The following GANC variants were observed in gnomAD, a reference collection of about 807,000 sequenced individuals.
GANC encodes the protein glucosidase alpha, neutral C, also known as neutral alpha-glucosidase C.
In GANC, 117 loss-of-function variants were observed where a neutral mutation model predicts 124.2. The observed-to-expected ratio is 0.94, with a 90% CI of 0.81 to 1.10. The LOEUF (loss-of-function observed/expected upper bound fraction) is 1.10. Among genes scored for constraint, GANC ranks in the 50% least tolerant of loss-of-function variants. GANC has a pLI of 0.00. For synonymous variants in GANC, 377 were observed against 376.8 expected (o/e 1.00, Z -0.01); for missense variants, 1,140 against 1,095.0 (o/e 1.04, Z -0.58).
chr15:42,351,298 CT>C (rs1566963374), intron 22 of GANC, 30 bp from the exon 23 acceptor site: 1 of 1,543,694 alleles, frequency 6.5e-7, no homozygotes, highest in Middle Eastern at 1.7e-4. Context: ...CCCCATCCCT[CT>C]CCTTTTAATA....
intron 3 of GANC, among the ~76,000 whole-genome samples, chr15:42,278,794 G>C (rs1373400121): frequency 1.3e-5 from 2 of 152,162 alleles, no homozygotes; most frequent in African/African-American, 2.4e-5. Context: ...AGGAGTTCGA[G>C]ACCAGCCTGG....
At chr15:42,350,602 GAGTGC>G (rs1210746196) in intron 22 of GANC, among the ~76,000 whole-genome samples, 1 of 147,694 alleles carries the variant, frequency 6.8e-6, no homozygotes, top group African/African-American at 2.5e-5. Flanking sequence ...GCCCAGGCTG[GAGTGC>G]AGTGGCATGA....
chr15:42,305,240 C>T (rs370147829), intron 6 of GANC, among the ~76,000 whole-genome samples: 2 of 152,152 alleles, frequency 1.3e-5, no homozygotes, highest in African/African-American at 4.8e-5. Flanking sequence ...CCAGAATCTA[C>T]AAGGAACTTA....
At chr15:42,319,447 C>T (rs992133561) in intron 10 of GANC, among the ~76,000 whole-genome samples, 4 of 152,054 alleles carry the variant, frequency 2.6e-5, no homozygotes, top group Admixed American at 1.3e-4. Context: ...TGGGCTCAAG[C>T]AATTCTTCCG....
At chr15:42,293,244 C>T (rs943751630) in intron 5 of GANC, among the ~76,000 whole-genome samples, 3 of 152,284 alleles carry the variant, frequency 2.0e-5, no homozygotes, top group Middle Eastern at 3.4e-3. Flanking sequence ...AATTTCACTT[C>T]ACTCCCTTGC....
chr15:42,302,459 C>G (rs897562767), intron 6 of GANC, among the ~76,000 whole-genome samples: 2 of 152,168 alleles, frequency 1.3e-5, no homozygotes, highest in Non-Finnish European at 1.5e-5. Context: ...CAAACGATCA[C>G]AGCTTCTCAA....
chr15:42,295,270 C>T (rs553100825), intron 5 of GANC, among the ~76,000 whole-genome samples: 62 of 151,862 alleles, frequency 4.1e-4, no homozygotes, highest in African/African-American at 1.4e-3. Context: ...GACCACGCCC[C>T]GCCTGTAGTT....
intron 11 of GANC, among the ~76,000 whole-genome samples, chr15:42,324,958 A>C (rs2052186615): frequency 6.6e-6 from 1 of 152,124 alleles, no homozygotes; most frequent in African/African-American, 2.4e-5. Flanking sequence ...TGTTATGTGT[A>C]TTTTACCACA....
At chr15:42,336,850 G>A (rs561988609) in intron 15 of GANC, among the ~76,000 whole-genome samples, 238 of 152,224 alleles carry the variant, frequency 1.6e-3, no homozygotes, top group Admixed American at 3.0e-3. Context: ...TTCAAAAGAA[G>A]ACATACATGT....
chr15:42,316,582 C>T (rs1013594438), intron 10 of GANC, among the ~76,000 whole-genome samples: 1 of 152,222 alleles, frequency 6.6e-6, no homozygotes, highest in Non-Finnish European at 1.5e-5. Context: ...CTACCGCTAT[C>T]TACTATGAAC....
chr15:42,322,028 A>T lies in GANC; in HGVS notation c.1293+8A>T, dbSNP rs1476813909. 3 of 1,598,946 alleles carry T rather than the reference A, an allele frequency of 1.9e-6. No homozygotes were observed. Among genetic ancestry groups the T allele is most frequent in the African/African-American group, 1.3e-5 (1 of 74,518 alleles). The stretch of plus-strand genomic sequence containing the variant: ...AGGAGCAAAAAGCGTAAGGTAAAAT[A>T]AGCCAACATTTCTGAACCTTTTAAT... On this transcript the variant is annotated splice_region_variant and intron_variant, in intron 11 of 23. Transcript: ENST00000318010.
chr15:42,284,000 A>G (rs1044690056), intron 3 of GANC: 32 of 702,438 alleles, frequency 4.6e-5, no homozygotes, highest in Non-Finnish European at 4.7e-5. Flanking sequence ...ACAGCAATTT[A>G]ATGAACTATT....
intron 19 of GANC, among the ~76,000 whole-genome samples, chr15:42,344,416 A>G (rs772210598): frequency 1.3e-5 from 2 of 152,032 alleles, no homozygotes; most frequent in African/African-American, 2.4e-5. Context: ...GTCTCTGTCT[A>G]TCTCTTATAA....
intron 5 of GANC, among the ~76,000 whole-genome samples, chr15:42,295,783 G>C (rs565231685): frequency 3.9e-5 from 6 of 151,974 alleles, no homozygotes; most frequent in African/African-American, 9.7e-5. Flanking sequence ...TGACTAAAAA[G>C]CTCAACAAAT....
Position 42,351,348 on chromosome 15 carries a change from C to A in GANC, c.2551C>A (p.His851Asn), listed in dbSNP as rs140454978. 2,619 of 1,613,888 alleles carry A rather than the reference C, an allele frequency of 1.6e-3. 2 individuals carry two copies. The highest frequency in any genetic ancestry group is 2.0e-3 in the Non-Finnish European group (2,313 of 1,179,812). The change falls in exon 23 of 24, where the codon CAT (histidine) becomes AAT (asparagine). Residue 851 changes from histidine (H) to asparagine (N), a missense_variant. Physicochemically the swap from His to Asn is moderately conservative, Grantham distance 68 (BLOSUM62 1). Transcript: ENST00000318010. Reference protein sequence around the residue: ...LINSFADQRGHYPSKCVVEKI... With the variant: ...LINSFADQRGNYPSKCVVEKI... The stretch of plus-strand genomic sequence containing the variant: ...TTCCAGTTTTGCTGACCAGAGGGGT[C>A]ATTATCCCAGCAAGTGTGTGGTGGA...
intron 20 of GANC, among the ~76,000 whole-genome samples, chr15:42,346,453 ACT>A (rs1229014243): frequency 6.6e-6 from 1 of 151,874 alleles, no homozygotes; most frequent in Non-Finnish European, 1.5e-5. Flanking sequence ...TGGTTGCATG[ACT>A]CTGAATATGC....
At chr15:42,302,216 C>T (rs1361271180) in intron 6 of GANC, among the ~76,000 whole-genome samples, 1 of 152,202 alleles carries the variant, frequency 6.6e-6, no homozygotes, top group Non-Finnish European at 1.5e-5. Context: ...CAAACAGTGT[C>T]TGGAATGGAC....
At chr15:42,275,942 G>A (rs768510349) in intron 1 of GANC, among the ~76,000 whole-genome samples, 6 of 152,124 alleles carry the variant, frequency 3.9e-5, no homozygotes, top group Admixed American at 6.5e-5. Context: ...TGAATAAATC[G>A]GTGGGTGGGT....
In GANC at chr15:42,292,916, AG is replaced by A; in HGVS notation, c.512+1del. On this transcript the variant is annotated frameshift_variant and splice_region_variant, in exon 5 of 24. Coordinates refer to ENST00000318010, the MANE Select transcript of GANC (RefSeq NM_198141.3). LOFTEE classifies it high-confidence loss of function. ...GCATCTACAGATTCTTCACAAACAA[AG>A]GTATTCTTATGCATTACTTGACACA... ...FEHLQILHKQ[R>X]AAKENEEETS... 6.2e-7 allele frequency: 1 copy of A among 1,613,396 alleles called. No homozygotes were observed.
Sources: gnomAD v4.1 joint callset for allele counts (sites outside exome capture counted in the v4.1 genomes callset) on GRCh38, gnomAD v4.1.1 for gene constraint, MANE v1.5 for transcripts, NCBI Gene and HGNC (gene_info 2026-07-23, HGNC 2026-07-21) for gene names.